Variants in MAGI3 observed in about 807,000 individuals in gnomAD.
MAGI3 encodes membrane associated guanylate kinase, WW and PDZ domain containing 3, also known as membrane-associated guanylate kinase, WW and PDZ domain-containing protein 3.
Under a neutral mutation model 121.8 loss-of-function variants are expected in MAGI3, and 43 were observed. The observed-to-expected ratio is 0.35, with a 90% CI of 0.28 to 0.46. The LOEUF is 0.46. MAGI3 is among the 20% of genes least tolerant of loss of function. The pLI, the probability that MAGI3 is intolerant of heterozygous loss-of-function variation, is 1.00. For missense variants in MAGI3, 1,547 were observed against 1,797.3 expected (o/e 0.86, Z 2.52); for synonymous variants, 553 against 639.3 (o/e 0.86, Z 2.04).
rs573780230 is a variant in MAGI3, at chr1:113,451,963, C to T, written c.316+60614C>T. On this transcript the variant is annotated intron_variant, in intron 1 of 20. Transcript: ENST00000307546. ...AATAAACGTTTCTTCACAATTACTT[C>T]CTTAGCTCTCAAAAGGGATTCTGAA... Among the ~76,000 whole-genome samples the T allele has an allele frequency of 2.0e-5, 3 of 152,236 alleles. No individual in the cohort carries two copies. The South Asian group carries it at 6.2e-4, about 32-fold the overall frequency.
intron 2 of MAGI3, among the ~76,000 whole-genome samples, chr1:113,554,152 A>G (rs1035906127): frequency 6.6e-6 from 1 of 152,244 alleles, no homozygotes; most frequent in South Asian, 2.1e-4. Flanking sequence ...AAGTCAGCTG[A>G]TAGAAAAAAG....
chr1:113,572,103 AG>A (rs1647329722), intron 2 of MAGI3, among the ~76,000 whole-genome samples: 1 of 152,198 alleles, frequency 6.6e-6, no homozygotes, highest in Non-Finnish European at 1.5e-5. Context: ...TTTAGCATGA[AG>A]GTGTATTGAA....
intron 1 of MAGI3, among the ~76,000 whole-genome samples, chr1:113,423,238 A>C (rs1652818436): frequency 1.6e-5 from 2 of 124,194 alleles, no homozygotes; most frequent in African/African-American, 2.7e-5. Flanking sequence ...TTGTCCTGGT[A>C]AGTATTCGTT....
intron 9 of MAGI3, among the ~76,000 whole-genome samples, chr1:113,641,557 C>G (rs954193895): frequency 3.3e-5 from 5 of 151,502 alleles, no homozygotes; most frequent in Admixed American, 2.0e-4. Context: ...TGCTTCTGTA[C>G]TAAATACCTA....
At chr1:113,650,214 T>C (rs1308442300) in intron 13 of MAGI3, among the ~76,000 whole-genome samples, 1 of 152,184 alleles carries the variant, frequency 6.6e-6, no homozygotes, top group African/African-American at 2.4e-5. Context: ...TGGAGACACA[T>C]AAAGCTTAAG....
At chr1:113,428,537 C>T (rs1380440559) in intron 1 of MAGI3, among the ~76,000 whole-genome samples, 3 of 152,074 alleles carry the variant, frequency 2.0e-5, no homozygotes, top group African/African-American at 4.8e-5. Context: ...TAATGCAAGC[C>T]GCAAATGTGA....
intron 3 of MAGI3, among the ~76,000 whole-genome samples, chr1:113,584,922 T>C (rs2101726218): frequency 6.6e-6 from 1 of 152,080 alleles, no homozygotes. Flanking sequence ...GTAAGATGAG[T>C]GCTTTGAGCG....
At chr1:113,512,646 A>G (rs890174243) in intron 1 of MAGI3, among the ~76,000 whole-genome samples, 1 of 152,212 alleles carries the variant, frequency 6.6e-6, no homozygotes, top group East Asian at 1.9e-4. Flanking sequence ...AGAGCTATCT[A>G]TGACAAACCC....
At chr1:113,606,821 G>A (rs114340993) in intron 6 of MAGI3, among the ~76,000 whole-genome samples, 2,469 of 151,926 alleles carry the variant, frequency 0.016, 78 homozygotes, top group African/African-American at 0.056. Context: ...TAGTTTTCAC[G>A]TCCTGTTGCT....
intron 1 of MAGI3, among the ~76,000 whole-genome samples, chr1:113,548,936 G>A (rs1345739802): frequency 1.3e-5 from 2 of 152,144 alleles, no homozygotes. Flanking sequence ...GATCTGGATG[G>A]GTAGAAGTGA....
chr1:113,506,158 A>G (rs1029164791), intron 1 of MAGI3, among the ~76,000 whole-genome samples: 1 of 152,190 alleles, frequency 6.6e-6, no homozygotes, highest in Non-Finnish European at 1.5e-5. Context: ...CAGATTTCAG[A>G]TACATTTTGA....
At chr1:113,447,923 C>T (rs539195820) in intron 1 of MAGI3, among the ~76,000 whole-genome samples, 1 of 152,076 alleles carries the variant, frequency 6.6e-6, no homozygotes, top group South Asian at 2.1e-4. Context: ...CCAAAGGAAA[C>T]CCATATTCAT....
At chr1:113,504,572 T>A (rs190099676) in intron 1 of MAGI3, among the ~76,000 whole-genome samples, 2 of 152,134 alleles carry the variant, frequency 1.3e-5, no homozygotes, top group Admixed American at 6.5e-5. Flanking sequence ...TACTTTGGCA[T>A]GGGGATGTGG....
intron 1 of MAGI3, among the ~76,000 whole-genome samples, chr1:113,506,160 A>G (rs986379378): frequency 6.6e-6 from 1 of 152,180 alleles, no homozygotes; most frequent in African/African-American, 2.4e-5. Context: ...GATTTCAGAT[A>G]CATTTTGAAG....
intron 6 of MAGI3, among the ~76,000 whole-genome samples, chr1:113,613,997 T>G (rs762046144): frequency 6.6e-6 from 1 of 152,230 alleles, no homozygotes; most frequent in Non-Finnish European, 1.5e-5. Flanking sequence ...AAAAATGCTA[T>G]GTAAGGTATT....
At chr1:113,609,652 A>T (rs942066638) in intron 6 of MAGI3, among the ~76,000 whole-genome samples, 2 of 152,244 alleles carry the variant, frequency 1.3e-5, no homozygotes, top group Non-Finnish European at 2.9e-5. Context: ...GATTAAAAAA[A>T]TTATCAACTG....
chr1:113,674,830 C>G (rs1270907691), intron 19 of MAGI3, among the ~76,000 whole-genome samples: 1 of 152,090 alleles, frequency 6.6e-6, no homozygotes, highest in Admixed American at 6.5e-5. Context: ...TCAAAATGAC[C>G]AGACACATGC....
chr1:113,407,738 G>C (rs556581908), intron 1 of MAGI3, among the ~76,000 whole-genome samples: 1 of 152,112 alleles, frequency 6.6e-6, no homozygotes, highest in East Asian at 1.9e-4. Context: ...CAGCATGCAG[G>C]TTACCATTAG....
At chr1:113,641,843 G>T (rs1297326660) in intron 9 of MAGI3, 68 bp from the exon 10 acceptor site, 35 of 1,419,736 alleles carry the variant, frequency 2.5e-5, no homozygotes, top group Non-Finnish European at 3.2e-5. Context: ...AGTTATTTTT[G>T]CCCCTCTAGC....
Sources: allele counts gnomAD v4.1 joint callset (sites outside exome capture counted in the v4.1 genomes callset), GRCh38; gene constraint gnomAD v4.1.1; transcripts MANE v1.5; gene names NCBI Gene and HGNC (gene_info 2026-07-23, HGNC 2026-07-21).